The following CALD1 variants were observed in gnomAD, a reference collection of about 807,000 sequenced individuals.
The protein encoded by CALD1 is caldesmon.
Under a neutral mutation model 99.9 loss-of-function variants are expected in CALD1, and 33 were observed. The observed-to-expected ratio is 0.33, with a 90% CI of 0.25 to 0.44. CALD1 has a LOEUF of 0.44. CALD1 is among the 20% of genes least tolerant of loss of function. CALD1 has a pLI of 1.00. For missense variants in CALD1, 861 were observed against 962.1 expected, an observed-to-expected ratio of 0.89 and a Z score of 1.39; for synonymous variants, 310 against 325.0, an observed-to-expected ratio of 0.95 and a Z score of 0.50.
chr7:134,963,051 G>A, intron 13 of CALD1: 1 of 369,340 alleles, frequency 2.7e-6, no homozygotes, highest in Non-Finnish European at 5.4e-6. Context: ...TTCATCGGCA[G>A]GATTTATGGG....
intron 6 of CALD1, among the ~76,000 whole-genome samples, chr7:134,936,407 A>G (rs190126421): frequency 7.3e-4 from 111 of 152,360 alleles, no homozygotes; most frequent in African/African-American, 2.6e-3. Context: ...AGAACACCAC[A>G]TCAGAACACT....
intron 1 of CALD1, among the ~76,000 whole-genome samples, chr7:134,755,373 C>A (rs78040911): frequency 1.5e-3 from 235 of 152,132 alleles, no homozygotes; most frequent in African/African-American, 5.5e-3. Context: ...TCATTACTGG[C>A]GTGGTGAAAA....
In CALD1 at chr7:134,933,411, G is replaced by C; in HGVS notation, c.642G>C (p.Glu214Asp). Residue 214 changes from glutamate (E) to aspartate (D), a missense_variant, in exon 5 of 15, where the codon GAG becomes GAC. By Grantham distance (45) the Glu-to-Asp change is conservative. Coordinates refer to ENST00000361675, the MANE Select transcript of CALD1 (RefSeq NM_033138.4). Reference protein sequence around the residue: ...GENQVEVMVEEKTTESQEETV... With the variant: ...GENQVEVMVEDKTTESQEETV... ...ATCAGGTAGAGGTGATGGTGGAAGA[G>C]AAAACAACTGAAAGCCAGGAGGAAA... 1 of 1,613,176 alleles carries C rather than the reference G, an allele frequency of 6.2e-7. No individual in the cohort carries two copies. Among genetic ancestry groups the C allele is most frequent in the Non-Finnish European group, 8.5e-7 (1 of 1,179,552 alleles).
At chr7:134,960,849 C>CTGT in intron 13 of CALD1, 2 of 379,168 alleles carry the variant, frequency 5.3e-6, no homozygotes, top group South Asian at 5.8e-5. Context: ...ACCTCTACAC[C>CTGT]CTAACTGAGA....
intron 2 of CALD1, among the ~76,000 whole-genome samples, chr7:134,848,622 A>C (rs3800732): frequency 0.39 from 59,486 of 152,040 alleles, 14,377 homozygotes; most frequent in African/African-American, 0.69. Context: ...AACATACTGC[A>C]TTCATGTTGG....
chr7:134,897,882 AT>A (rs1215459135), intron 3 of CALD1, among the ~76,000 whole-genome samples: 2 of 151,214 alleles, frequency 1.3e-5, no homozygotes, highest in African/African-American at 2.4e-5. Context: ...AAGTTTTTGT[AT>A]TTTTTTGTAG....
chr7:134,828,971 A>AT (rs1799114716), intron 1 of CALD1, among the ~76,000 whole-genome samples: 2 of 151,896 alleles, frequency 1.3e-5, no homozygotes, highest in African/African-American at 4.8e-5. Context: ...CAAATAGATG[A>AT]TAAATCTATA....
chr7:134,753,683 G>A (rs778147598), intron 1 of CALD1, among the ~76,000 whole-genome samples: 10 of 152,184 alleles, frequency 6.6e-5, no homozygotes, highest in Non-Finnish European at 1.0e-4. Context: ...AATGCACACA[G>A]GACAACGGTG....
intron 9 of CALD1, among the ~76,000 whole-genome samples, chr7:134,952,327 G>A (rs1028263112): frequency 2.0e-5 from 3 of 152,010 alleles, no homozygotes; most frequent in African/African-American, 4.8e-5. Flanking sequence ...GAATCATAGC[G>A]AGGTCTGGAT....
At chr7:134,739,165 A>T in the CALD1 span, among the ~76,000 whole-genome samples, 1 of 152,188 alleles carries the variant, frequency 6.6e-6, no homozygotes, top group Non-Finnish European at 1.5e-5. Context: ...TGTTTTCTAT[A>T]GTGGGAAACA....
intron 5 of CALD1, 53 bp from the exon 6 acceptor site, chr7:134,935,635 C>T: frequency 6.4e-7 from 1 of 1,560,882 alleles, no homozygotes; most frequent in Non-Finnish European, 8.7e-7. Flanking sequence ...CTCTTGTAAA[C>T]TAGAAAGGGC....
In CALD1 at chr7:134,938,977, G is replaced by A. The variant is rs573500681; in HGVS notation, c.1387-2115G>A. Among the ~76,000 whole-genome samples the A allele has an allele frequency of 6.6e-5, 10 of 152,282 alleles. No individual in the cohort carries two copies. The East Asian group carries it at 1.5e-3, about 24-fold the overall frequency. ...TGAGTTAAAGGGAATGTCTCCATGC[G>A]TAGTGCTCCACAGACCGTGAGCTCC... On this transcript the variant is annotated intron_variant, in intron 6 of 14. Coordinates refer to ENST00000361675, the MANE Select transcript of CALD1 (RefSeq NM_033138.4).
At chr7:134,888,032 C>A (rs193065163) in intron 3 of CALD1, among the ~76,000 whole-genome samples, 1 of 152,150 alleles carries the variant, frequency 6.6e-6, no homozygotes, top group Admixed American at 6.5e-5. Context: ...TCTTGTGGTC[C>A]GGTCTCCCAC....
Position 134,938,023 on chromosome 7 carries a change from C to T in CALD1, c.1386+2258C>T, listed in dbSNP as rs147645161. Among the ~76,000 whole-genome samples the T allele has an allele frequency of 5.2e-3, 795 of 152,278 alleles. 7 individuals are homozygous for T. The highest frequency in any genetic ancestry group is 0.018 in the African/African-American group (762 of 41,554). ...TATTAAAAGTGATGTTCGTGTCATG[C>T]GGATCAATCCTGCCCAAACATTAGT... is the stretch of plus-strand genomic sequence containing the variant. On this transcript the variant is annotated intron_variant, in intron 6 of 14. Coordinates refer to ENST00000361675, the MANE Select transcript of CALD1 (RefSeq NM_033138.4).
chr7:134,739,663 G>A (rs1054867392), upstream of CALD1, among the ~76,000 whole-genome samples: 10 of 152,114 alleles, frequency 6.6e-5, no homozygotes. Context: ...AAGAACAAGA[G>A]GAGAAGGAAG....
intron 1 of CALD1, among the ~76,000 whole-genome samples, chr7:134,839,808 GC>G (rs951357635): frequency 3.3e-5 from 5 of 152,052 alleles, no homozygotes; most frequent in Admixed American, 6.6e-5. Flanking sequence ...TCCCACCTTA[GC>G]CCCCCATGTA....
At chr7:134,968,196 A>T in intron 14 of CALD1, 144 bp from the exon 15 acceptor site, 1 of 730,986 alleles carries the variant, frequency 1.4e-6, no homozygotes, top group Non-Finnish European at 2.5e-6. Flanking sequence ...GAATGCCGAT[A>T]ATAATCCTCC....
chr7:134,878,234 G>C (rs1415750200), intron 3 of CALD1, among the ~76,000 whole-genome samples: 2 of 152,164 alleles, frequency 1.3e-5, no homozygotes, highest in African/African-American at 4.8e-5. Flanking sequence ...GTGTCAGTGA[G>C]AGCCCACTTC....
chr7:134,804,113 C>A (rs73149977), intron 1 of CALD1, among the ~76,000 whole-genome samples: 42,809 of 152,176 alleles, frequency 0.28, 7,146 homozygotes, highest in East Asian at 0.65. Flanking sequence ...TTGCTTGTTA[C>A]CTTTCTACTG....
Sources: gnomAD v4.1 joint callset for allele counts (sites outside exome capture counted in the v4.1 genomes callset) on GRCh38, gnomAD v4.1.1 for gene constraint, MANE v1.5 for transcripts, NCBI Gene and HGNC (gene_info 2026-07-23, HGNC 2026-07-21) for gene names.